The following SLC12A9 variants were observed in gnomAD, a reference collection of about 807,000 sequenced individuals.
SLC12A9 encodes the protein CCC-interacting protein 1.
Under a neutral mutation model 66.0 loss-of-function variants are expected in SLC12A9, and 55 were observed. The observed-to-expected ratio is 0.83, with a 90% CI of 0.67 to 1.04. The LOEUF is 1.04. SLC12A9 is among the 50% of genes least tolerant of loss of function. The probability of loss-of-function intolerance (pLI) is 0.00; values close to 1 mark genes in which losing one functional copy is unlikely to be tolerated. For synonymous variants in SLC12A9, 577 were observed against 569.0 expected (o/e 1.01, Z -0.20); for missense variants, 1,061 against 1,241.9 (o/e 0.85, Z 2.19).
chr7:100,859,789 C>T lies in SLC12A9; in HGVS notation c.978-96C>T. 8 of 1,410,536 alleles carry T rather than the reference C, an allele frequency of 5.7e-6. No individual in the cohort carries two copies. The Admixed American group carries it at 1.4e-4, about 25-fold the overall frequency. The allele number at this position is 1,410,536 out of a possible 1,614,324, so 87.4% of individuals were successfully genotyped here. ...GAATACCAGGCATATCCCTTTAGCA[C>T]ATTTGATATCTGAGTCTGATCCTTA... On this transcript the variant is annotated intron_variant, in intron 7 of 13. Transcript: ENST00000354161.
Position 100,866,527 on chromosome 7 carries a change from A to C in SLC12A9, c.2667A>C (p.Leu889=). ...DPARYPRYLA[L]LETLTRDLGP... ...CCCGATACCCCCGCTACCTGGCGCT[A>C]CTGGAGACTCTAACCCGAGACCTGG... The change falls in exon 14 of 14, where the codon CTA becomes CTC. Residue 889 remains leucine, a synonymous_variant. Transcript: ENST00000354161. The surrounding 1 kb of genome is among the most constrained non-coding windows in gnomAD (Gnocchi z 7.3). 6.3e-7 allele frequency: 1 copy of C among 1,578,804 alleles called. No homozygotes were observed. The highest frequency in any genetic ancestry group is 8.6e-7 in the Non-Finnish European group (1 of 1,163,294).
intron 1 of SLC12A9, among the ~76,000 whole-genome samples, chr7:100,835,433 C>T (rs1297207358): frequency 6.6e-6 from 1 of 150,662 alleles, no homozygotes; most frequent in Non-Finnish European, 1.5e-5. Flanking sequence ...GGGCAGATCC[C>T]GAGGTCAAGA....
intron 1 of SLC12A9, among the ~76,000 whole-genome samples, chr7:100,838,934 T>C (rs1813723039): frequency 6.6e-6 from 1 of 152,094 alleles, no homozygotes; most frequent in African/African-American, 2.4e-5. Flanking sequence ...TCCGATCTAA[T>C]TACCGGTGCA....
At chr7:100,862,602 G>A in intron 12 of SLC12A9, 79 bp from the exon 13 acceptor site, 2 of 1,553,566 alleles carry the variant, frequency 1.3e-6, no homozygotes, top group Non-Finnish European at 8.8e-7. Flanking sequence ...CCCTGCCCAG[G>A]CCCGTCTGTG....
chr7:100,859,842 C>A, intron 7 of SLC12A9, 43 bp from the exon 8 acceptor site: 1 of 1,567,286 alleles, frequency 6.4e-7, no homozygotes, highest in African/African-American at 1.3e-5. Flanking sequence ...TTTCTTACCC[C>A]GTGACGCATG....
chr7:100,865,611 T>C (rs898598864), intron 13 of SLC12A9, 108 bp from the exon 14 acceptor site: 2 of 1,560,192 alleles, frequency 1.3e-6, no homozygotes, highest in Non-Finnish European at 1.7e-6. Flanking sequence ...AGTGGGAATG[T>C]CATACCTATG....
chr7:100,830,583 G>C (rs186126871), intron 1 of SLC12A9, among the ~76,000 whole-genome samples: 2 of 151,578 alleles, frequency 1.3e-5, no homozygotes, highest in African/African-American at 4.8e-5. Context: ...ACACCAGGCA[G>C]TAATCTATTT....
chr7:100,861,767 C>T lies in SLC12A9; in HGVS notation c.1567C>T (p.Arg523Trp), dbSNP rs981273383. ...VRKYLLRLDV[R>W]KDHVKFWRPQ... is the part of the protein sequence containing the mutation. ...TAAGTATCTGCTTCGGCTGGACGTCCGGAAGGATCACGTGAAGTTCTGGCG... is the reference window on the plus strand; with the variant it reads ...TAAGTATCTGCTTCGGCTGGACGTCTGGAAGGATCACGTGAAGTTCTGGCG... Residue 523 changes from arginine to tryptophan, a missense_variant, in exon 12 of 14, where the codon CGG becomes TGG. Coordinates refer to ENST00000354161, the MANE Select transcript of SLC12A9 (RefSeq NM_020246.4). The surrounding 1 kb of genome is among the most constrained non-coding windows in gnomAD (Gnocchi z 5.3). The T allele has an allele frequency of 4.3e-6, 7 of 1,614,082 alleles. No individual in the cohort carries two copies. Among genetic ancestry groups the T allele is most frequent in the South Asian group, 1.1e-5 (1 of 91,080 alleles).
chr7:100,840,432 GTAACCT>G (rs1813760700), intron 1 of SLC12A9, among the ~76,000 whole-genome samples: 1 of 152,166 alleles, frequency 6.6e-6, no homozygotes, highest in African/African-American at 2.4e-5. Flanking sequence ...ATGGCACAAA[GTAACCT>G]GTAAGCCAGG....
intron 1 of SLC12A9, among the ~76,000 whole-genome samples, chr7:100,847,497 G>A (rs1245677864): frequency 6.6e-6 from 1 of 152,218 alleles, no homozygotes; most frequent in Admixed American, 6.5e-5. Flanking sequence ...CTGCTCAGCT[G>A]AGAATAGATT....
chr7:100,865,729 GCCCAACACGTTGGT>G lies in SLC12A9; in HGVS notation c.1872_1885del (p.Asn625ArgfsTer5). On this transcript the variant is annotated frameshift_variant, in exon 14 of 14. Coordinates refer to ENST00000354161, the MANE Select transcript of SLC12A9 (RefSeq NM_020246.4). LOFTEE classifies it high-confidence loss of function. ...CCGCTCTGCCCCCAGGTGGCATGAA[GCCCAACACGTTGGT>G]CCTAGGTTTCTACGATGACGCTCCA... 6.2e-7 allele frequency: 1 copy of G among 1,609,566 alleles called. No homozygotes were observed. Among genetic ancestry groups the G allele is most frequent in the Non-Finnish European group, 8.5e-7 (1 of 1,177,416 alleles).
At chr7:100,840,527 A>C (rs1813763611) in intron 1 of SLC12A9, among the ~76,000 whole-genome samples, 1 of 152,080 alleles carries the variant, frequency 6.6e-6, no homozygotes, top group Non-Finnish European at 1.5e-5. Flanking sequence ...ACAGCGGTTG[A>C]GAACAGCAGC....
Position 100,861,917 on chromosome 7 carries a change from C to A in SLC12A9, c.1711+6C>A. 1 of 1,586,724 alleles carries A rather than the reference C, an allele frequency of 6.3e-7. No homozygotes were observed. The highest frequency in any genetic ancestry group is 1.1e-5 in the South Asian group (1 of 87,054). On this transcript the variant is annotated splice_donor_region_variant and intron_variant, in intron 12 of 13. Coordinates refer to ENST00000354161, the MANE Select transcript of SLC12A9 (RefSeq NM_020246.4). This position sits in a 1 kb window ranked among gnomAD's most constrained non-coding sequence, Gnocchi z 5.3. Reference sequence around the variant, plus strand: ...CGTCACCCTGGGAGACCTCGGTGAGCTGCCCTCCCACTCACTCACTCACTC... The same window carrying A: ...CGTCACCCTGGGAGACCTCGGTGAGATGCCCTCCCACTCACTCACTCACTC...
chr7:100,828,381 A>T (rs1562977451), intron 1 of SLC12A9, among the ~76,000 whole-genome samples: 1 of 151,790 alleles, frequency 6.6e-6, no homozygotes, highest in Non-Finnish European at 1.5e-5. Flanking sequence ...TCTACTAAAA[A>T]TACAAAAATT....
rs771097926 is a variant in SLC12A9, at chr7:100,861,442, C to T, written c.1394C>T (p.Ser465Phe). 12 of 1,613,768 alleles carry T rather than the reference C, an allele frequency of 7.4e-6. No individual in the cohort carries two copies. Among genetic ancestry groups the T allele is most frequent in the Non-Finnish European group, 1.0e-5 (12 of 1,180,022 alleles). The change falls in exon 11 of 14, where the codon TCC becomes TTC. Residue 465 changes from serine to phenylalanine, a missense_variant. Coordinates refer to ENST00000354161, the MANE Select transcript of SLC12A9 (RefSeq NM_020246.4). This position sits in a 1 kb window ranked among gnomAD's most constrained non-coding sequence, Gnocchi z 5.3. ...CACACCTGCCTGCTGGGGGTGGCCT[C>T]CTGCCTGCTCATGATGTTCCTCATC... is the stretch of plus-strand genomic sequence containing the variant. ...SWHTCLLGVA[S>F]CLLMMFLISP...
upstream of SLC12A9, among the ~76,000 whole-genome samples, chr7:100,848,527 T>TAAATA (rs369233222): frequency 7.9e-6 from 1 of 126,390 alleles, no homozygotes; most frequent in Non-Finnish European, 1.9e-5. Context: ...AATAAATAAA[T>TAAATA]AATAAATAAA....
At chr7:100,827,783 A>G (rs915305628) in intron 1 of SLC12A9, among the ~76,000 whole-genome samples, 9 of 152,190 alleles carry the variant, frequency 5.9e-5, no homozygotes, top group African/African-American at 1.9e-4. Context: ...GCTGTCCAGG[A>G]CCGAGCATGT....
chr7:100,859,846 A>T (rs918121906), intron 7 of SLC12A9, 39 bp from the exon 8 acceptor site: 1 of 1,571,582 alleles, frequency 6.4e-7, no homozygotes. Flanking sequence ...TTACCCCGTG[A>T]CGCATGATCA....
At chr7:100,855,974 G>A in intron 4 of SLC12A9, 137 bp downstream of exon 4, 2 of 1,371,208 alleles carry the variant, frequency 1.5e-6, no homozygotes, top group African/African-American at 2.9e-5. Context: ...CTGCTGTGTG[G>A]CCAGCATCGT....
Sources: allele counts gnomAD v4.1 joint callset (sites outside exome capture counted in the v4.1 genomes callset), GRCh38; gene constraint gnomAD v4.1.1; non-coding constraint Gnocchi (gnomAD v3.1); transcripts MANE v1.5; gene names NCBI Gene and HGNC (gene_info 2026-07-23, HGNC 2026-07-21).